PALM2AKAP2: variants seen among roughly 807,000 people sequenced by gnomAD.
PALM2AKAP2 encodes PALM2 and AKAP2 fusion, also known as PALM2-AKAP2 fusion protein.
A neutral mutation model predicts 71.5 loss-of-function variants in PALM2AKAP2; 37 were observed. That is an observed-to-expected ratio of 0.52 (90% CI 0.40 to 0.68). PALM2AKAP2 has a LOEUF of 0.68. Among genes scored for constraint, PALM2AKAP2 ranks in the 30% least tolerant of loss-of-function variants. The probability of loss-of-function intolerance (pLI) is 0.00; values close to 1 mark genes in which losing one functional copy is unlikely to be tolerated. For synonymous variants in PALM2AKAP2, 468 were observed against 478.8 expected (o/e 0.98, Z 0.29); for missense variants, 1,224 against 1,191.8 (o/e 1.03, Z -0.40).
intron 3 of PALM2AKAP2, among the ~76,000 whole-genome samples, chr9:109,901,489 G>C (rs994514646): frequency 1.3e-5 from 2 of 152,124 alleles, no homozygotes; most frequent in Non-Finnish European, 2.9e-5. Flanking sequence ...GAGGTTCTTC[G>C]CAGGATCTTC....
chr9:109,823,414 A>G (rs1828062836), intron 1 of PALM2AKAP2, among the ~76,000 whole-genome samples: 1 of 152,084 alleles, frequency 6.6e-6, no homozygotes, highest in Admixed American at 6.5e-5. Context: ...CCATTAAACA[A>G]CTCTAGAGTC....
chr9:109,791,364 A>G lies in PALM2AKAP2; in HGVS notation c.45+10831A>G, dbSNP rs565314681. Among the ~76,000 whole-genome samples the G allele has an allele frequency of 1.8e-4, 27 of 152,336 alleles. No individual in the cohort carries two copies. The South Asian group carries it at 5.0e-3, about 28-fold the overall frequency. The stretch of plus-strand genomic sequence containing the variant: ...CCACCGTCATCTCTTTCTACTTGAC[A>G]TGTTCCTGCTTTTGCCTCTGGATGG... On this transcript the variant is annotated intron_variant, in intron 1 of 9. Coordinates refer to the PALM2AKAP2 transcript ENST00000302798.
At chr9:109,904,769 G>A (rs1458943684) in intron 3 of PALM2AKAP2, among the ~76,000 whole-genome samples, 1 of 152,126 alleles carries the variant, frequency 6.6e-6, no homozygotes, top group Non-Finnish European at 1.5e-5. Context: ...TTATTATTCT[G>A]GAGCACGATG....
At chr9:109,880,428 G>A in intron 2 of PALM2AKAP2, 123 bp from the exon 3 acceptor site, 1 of 1,427,054 alleles carries the variant, frequency 7.0e-7, no homozygotes, top group East Asian at 2.3e-5. Flanking sequence ...TAGTGAGGAG[G>A]TGAAGGCAGC....
intron 3 of PALM2AKAP2, among the ~76,000 whole-genome samples, chr9:109,882,596 G>C (rs1286938391): frequency 6.6e-6 from 1 of 151,976 alleles, no homozygotes; most frequent in African/African-American, 2.4e-5. Context: ...GAAAGGATTT[G>C]GAAAATAGGA....
At chr9:109,985,960 C>A (rs528163462) in intron 6 of PALM2AKAP2, among the ~76,000 whole-genome samples, 3 of 152,254 alleles carry the variant, frequency 2.0e-5, no homozygotes, top group African/African-American at 7.2e-5. Flanking sequence ...TTTGAGTTTT[C>A]TTTTATTCCG....
At chr9:110,015,903 C>G (rs1271520383) in intron 6 of PALM2AKAP2, 51 bp from the exon 7 acceptor site, 1 of 1,496,760 alleles carries the variant, frequency 6.7e-7, no homozygotes, top group Non-Finnish European at 9.2e-7. Context: ...ACTGTGTATC[C>G]ATGTCAGCTG....
intron 6 of PALM2AKAP2, chr9:109,945,824 CAG>C: frequency 6.6e-6 from 1 of 152,294 alleles, no homozygotes; most frequent in East Asian, 1.9e-4. Flanking sequence ...GTTACTCATA[CAG>C]AAAATGATCT....
In PALM2AKAP2 at chr9:109,921,062, G is replaced by A. The variant is rs146655330; in HGVS notation, c.258-2673G>A. Among the ~76,000 whole-genome samples the A allele has an allele frequency of 1.5e-3, 228 of 152,242 alleles. 2 individuals carry two copies. Among genetic ancestry groups the A allele is most frequent in the African/African-American group, 5.2e-3 (216 of 41,522 alleles). On this transcript the variant is annotated intron_variant, in intron 3 of 9. Coordinates refer to the PALM2AKAP2 transcript ENST00000302798. ...AAAGAAGTTTTACATCTTTATGTTC[G>A]TATCTCTAGATTGGCCAGCCCCCTC...
At chr9:110,160,200 G>A (rs1033815223) in intron 3 of PALM2AKAP2, among the ~76,000 whole-genome samples, 1 of 152,178 alleles carries the variant, frequency 6.6e-6, no homozygotes, top group African/African-American at 2.4e-5. Context: ...CACACATTTG[G>A]GGGGTAGAGT....
chr9:109,669,712 C>G (rs1370992732), intron 1 of PALM2AKAP2, among the ~76,000 whole-genome samples: 7 of 145,382 alleles, frequency 4.8e-5, no homozygotes, highest in African/African-American at 1.8e-4. Flanking sequence ...ATATCATCTA[C>G]TTTTTAAAAT....
chr9:110,135,352 TAAA>T (rs72447322), intron 1 of PALM2AKAP2, among the ~76,000 whole-genome samples: 13 of 76,814 alleles, frequency 1.7e-4, no homozygotes, highest in East Asian at 3.8e-4. Context: ...CCTCCTTCCT[TAAA>T]AAAAAAAAAA....
chr9:109,821,719 G>T (rs1828012095), intron 1 of PALM2AKAP2, among the ~76,000 whole-genome samples: 2 of 152,160 alleles, frequency 1.3e-5, no homozygotes, highest in South Asian at 4.1e-4. Flanking sequence ...GGGACTGGTG[G>T]CTCCATGAAA....
chr9:109,851,142 A>T (rs1829000207), intron 1 of PALM2AKAP2, among the ~76,000 whole-genome samples: 2 of 151,450 alleles, frequency 1.3e-5, no homozygotes, highest in African/African-American at 4.9e-5. Flanking sequence ...GCGCCACTGC[A>T]CTCCAGCCTG....
chr9:110,006,328 T>C (rs1391625884), intron 6 of PALM2AKAP2, among the ~76,000 whole-genome samples: 7 of 110,286 alleles, frequency 6.3e-5, no homozygotes, highest in African/African-American at 1.1e-4. Flanking sequence ...TTCCTTCTCT[T>C]TCTTTCTTTC....
intron 6 of PALM2AKAP2, among the ~76,000 whole-genome samples, chr9:110,002,881 C>T (rs534442521): frequency 6.6e-6 from 1 of 152,138 alleles, no homozygotes; most frequent in Admixed American, 6.5e-5. Context: ...GGTGATATCC[C>T]CTTTATAATT....
At chr9:109,941,154 T>C (rs1164432253) in intron 6 of PALM2AKAP2, among the ~76,000 whole-genome samples, 2 of 148,636 alleles carry the variant, frequency 1.3e-5, no homozygotes, top group African/African-American at 2.5e-5. Flanking sequence ...TCTTTTTTTT[T>C]TTTTTTTTTT....
At chr9:109,826,013 A>G (rs1268149940) in intron 1 of PALM2AKAP2, among the ~76,000 whole-genome samples, 1 of 152,258 alleles carries the variant, frequency 6.6e-6, no homozygotes, top group African/African-American at 2.4e-5. Context: ...GCACATATGC[A>G]CAATGGAATA....
chr9:110,131,228 G>A (rs908488840), intron 1 of PALM2AKAP2, among the ~76,000 whole-genome samples: 5 of 152,192 alleles, frequency 3.3e-5, no homozygotes, highest in African/African-American at 1.2e-4. Context: ...AGTGGGAAGG[G>A]CAGGTTTCTG....
Sources: allele counts gnomAD v4.1 joint callset (sites outside exome capture counted in the v4.1 genomes callset), GRCh38; gene constraint gnomAD v4.1.1; transcripts MANE v1.5; gene names NCBI Gene and HGNC (gene_info 2026-07-23, HGNC 2026-07-21).